The following RPL39L variants were observed in gnomAD, a reference collection of about 807,000 sequenced individuals.
The protein encoded by RPL39L is ribosomal protein L39 like, also known as ribosomal protein eL39-like 2.
For missense variants in RPL39L, 48 were observed against 58.9 expected (o/e 0.81, Z 0.61); for synonymous variants, 16 against 20.1 (o/e 0.80, Z 0.55).
At position 187,134,963 on chromosome 3, in the gene RPL39L, C is replaced by T. The variant is rs139577926; in HGVS notation, c.-93+4250G>A. 6.6e-3 allele frequency among the ~76,000 whole-genome samples: 1,006 copies of T among 152,284 alleles called. 7 individuals are homozygous for T. The highest frequency in any genetic ancestry group is 0.023 in the African/African-American group (951 of 41,558). On this transcript the variant is annotated intron_variant, in intron 1 of 2. Coordinates refer to ENST00000296277, the MANE Select transcript of RPL39L (RefSeq NM_052969.3). ...TGATCAGTTGAAAGGTGCTGTTGCA[C>T]GTAAGAGTGACCTTTGCATGTTGGG...
At chr3:187,137,168 C>T (rs1720594102) in intron 1 of RPL39L, among the ~76,000 whole-genome samples, 1 of 125,440 alleles carries the variant, frequency 8.0e-6, no homozygotes, top group Non-Finnish European at 1.6e-5. Flanking sequence ...CAATGCACTC[C>T]AGCTTGGGCA....
chr3:187,138,283 T>C (rs1265211028), intron 1 of RPL39L, among the ~76,000 whole-genome samples: 2 of 152,088 alleles, frequency 1.3e-5, no homozygotes, highest in Non-Finnish European at 2.9e-5. Flanking sequence ...ATTTCAAGAT[T>C]GCCATAGCAG....
rs766343564 is a variant in RPL39L at position 187,134,483 on chromosome 3, T to TTAAAA, written c.-93+4729_-93+4730insTTTTA. On this transcript the variant is annotated intron_variant, in intron 1 of 2. Coordinates refer to ENST00000296277, the MANE Select transcript of RPL39L (RefSeq NM_052969.3). ...GCCCAAACTACTTTAGCCTGACTGA[T>TTAAAA]AAAAAAAAAAAAAAAAAAAGAAGAC... 1.4e-3 allele frequency among the ~76,000 whole-genome samples: 131 copies of TTAAAA among 93,398 alleles called. 1 individual carries two copies. In the South Asian group the frequency reaches 0.039, roughly 28 times the overall value. 61.3% of individuals were successfully genotyped at this position (93,398 alleles called of 152,430 possible). A position where few individuals can be genotyped will look rare whatever the true frequency, so the allele number is the denominator to read the frequency against.
At chr3:187,124,563 A>C (rs1177356524) in intron 2 of RPL39L, among the ~76,000 whole-genome samples, 1 of 152,160 alleles carries the variant, frequency 6.6e-6, no homozygotes, top group Non-Finnish European at 1.5e-5. Context: ...TCCTAAGCAT[A>C]ATCTTCAACC....
At chr3:187,127,646 A>C (rs1720421430) in intron 2 of RPL39L, among the ~76,000 whole-genome samples, 1 of 152,208 alleles carries the variant, frequency 6.6e-6, no homozygotes, top group African/African-American at 2.4e-5. Context: ...CCATGGCGTA[A>C]ATCCTGTCTA....
At chr3:187,137,035 ATC>A (rs911415315) in intron 1 of RPL39L, among the ~76,000 whole-genome samples, 12 of 151,782 alleles carry the variant, frequency 7.9e-5, no homozygotes, top group African/African-American at 2.9e-4. Flanking sequence ...GTGAGACCTC[ATC>A]TCTACAAAAA....
At chr3:187,135,733 G>C (rs1173929468) in intron 1 of RPL39L, among the ~76,000 whole-genome samples, 1 of 152,210 alleles carries the variant, frequency 6.6e-6, no homozygotes, top group Non-Finnish European at 1.5e-5. Context: ...CAAGTGTGTT[G>C]ATCCATTTTG....
chr3:187,135,926 A>C (rs1720572060), intron 1 of RPL39L, among the ~76,000 whole-genome samples: 1 of 152,272 alleles, frequency 6.6e-6, no homozygotes, highest in Non-Finnish European at 1.5e-5. Flanking sequence ...GAGAGATGCC[A>C]GGTTCTTTTG....
chr3:187,135,179 G>A (rs1375686276), intron 1 of RPL39L, among the ~76,000 whole-genome samples: 1 of 152,156 alleles, frequency 6.6e-6, no homozygotes, highest in African/African-American at 2.4e-5. Flanking sequence ...TACTGGGGTG[G>A]AGATCCAGCT....
At chr3:187,128,737 T>G (rs1222919922) in intron 1 of RPL39L, among the ~76,000 whole-genome samples, 2 of 152,236 alleles carry the variant, frequency 1.3e-5, no homozygotes, top group African/African-American at 4.8e-5. Flanking sequence ...TGCCTTGTGA[T>G]GTACCAGACA....
chr3:187,130,435 G>A (rs546097736), intron 1 of RPL39L, among the ~76,000 whole-genome samples: 96 of 152,300 alleles, frequency 6.3e-4, no homozygotes, highest in Admixed American at 2.0e-3. Context: ...ATCCTTTGTG[G>A]CTTGGTGCTG....
chr3:187,130,511 ACT>A (rs1359902805), intron 1 of RPL39L, among the ~76,000 whole-genome samples: 1 of 150,610 alleles, frequency 6.6e-6, no homozygotes, highest in Non-Finnish European at 1.5e-5. Flanking sequence ...CCTTTCCCCA[ACT>A]CTCTCTCTCA....
rs1007989728 is a variant in RPL39L, at chr3:187,121,007, T to C, written c.*138A>G. ...GAATCCACCCTACTAGCACAGAGCA[T>C]ACAGAAAAACAGAAAAAAATATTCC... On this transcript the variant is annotated 3_prime_UTR_variant, in exon 3 of 3. Transcript: ENST00000296277. 67 of 934,164 alleles carry C rather than the reference T, an allele frequency of 7.2e-5. No individual in the cohort carries two copies. Among genetic ancestry groups the C allele is most frequent in the Non-Finnish European group, 1.1e-4 (65 of 601,588 alleles). 57.9% of individuals were successfully genotyped at this position (934,164 alleles called of 1,614,324 possible). A position where few individuals can be genotyped will look rare whatever the true frequency, so the allele number is the denominator to read the frequency against.
At chr3:187,123,649 A>G (rs1274674461) in intron 2 of RPL39L, among the ~76,000 whole-genome samples, 3 of 152,222 alleles carry the variant, frequency 2.0e-5, no homozygotes, top group African/African-American at 7.2e-5. Flanking sequence ...CAACAAACCC[A>G]GAGTCTTAAC....
At chr3:187,130,597 C>T (rs1720469894) in intron 1 of RPL39L, among the ~76,000 whole-genome samples, 2 of 152,188 alleles carry the variant, frequency 1.3e-5, no homozygotes, top group Non-Finnish European at 2.9e-5. Flanking sequence ...CTGAGGCCTC[C>T]TCAGAAGCAG....
chr3:187,132,332 G>T (rs1720500227), intron 1 of RPL39L, among the ~76,000 whole-genome samples: 1 of 151,774 alleles, frequency 6.6e-6, no homozygotes, highest in African/African-American at 2.4e-5. Context: ...GATTTTTTTT[G>T]AAAAAAGTTT....
At chr3:187,138,719 C>T (rs1276398817) in intron 1 of RPL39L, among the ~76,000 whole-genome samples, 4 of 152,130 alleles carry the variant, frequency 2.6e-5, no homozygotes, top group African/African-American at 9.7e-5. Flanking sequence ...TGTCGATTTC[C>T]TCCTTCTCTA....
intron 1 of RPL39L, among the ~76,000 whole-genome samples, chr3:187,134,483 T>TAAAAAAAAGAAAAAAA (rs1720539115): frequency 3.2e-5 from 3 of 93,426 alleles, no homozygotes; most frequent in African/African-American, 1.3e-4. Flanking sequence ...GCCTGACTGA[T>TAAAAAAAAGAAAAAAA]AAAAAAAAAA....
intron 1 of RPL39L, among the ~76,000 whole-genome samples, chr3:187,138,875 T>C (rs1470066009): frequency 6.6e-6 from 1 of 151,842 alleles, no homozygotes; most frequent in Non-Finnish European, 1.5e-5. Context: ...GTGTGACCAA[T>C]ATGGTGAAAC....
Sources: allele counts gnomAD v4.1 joint callset (sites outside exome capture counted in the v4.1 genomes callset), GRCh38; gene constraint gnomAD v4.1.1; transcripts MANE v1.5; gene names NCBI Gene and HGNC (gene_info 2026-07-23, HGNC 2026-07-21).